PADI1: variants seen among roughly 807,000 people sequenced by gnomAD.
PADI1 encodes protein-arginine deiminase type-1.
Under a neutral mutation model 74.8 loss-of-function variants are expected in PADI1, and 65 were observed. The ratio of observed to expected loss-of-function variants is 0.87; its 90% CI spans 0.71 to 1.07. PADI1 has a LOEUF of 1.07. Ranked by LOEUF, PADI1 falls within the 50% of genes least tolerant of loss-of-function variation. The pLI is 0.00. For missense variants in PADI1, 943 were observed against 854.0 expected (o/e 1.10, Z -1.30); for synonymous variants, 371 against 336.2 (o/e 1.10, Z -1.13).
chr1:17,209,120 A>G (rs1299895843), intron 1 of PADI1, among the ~76,000 whole-genome samples: 1 of 152,248 alleles, frequency 6.6e-6, no homozygotes. Flanking sequence ...AACTTGTGGT[A>G]TGTGTAATGT....
chr1:17,232,955 G>A lies in PADI1; in HGVS notation c.1298G>A (p.Gly433Glu), dbSNP rs989329943. Residue 433 changes from glycine to glutamate, a missense_variant, in exon 11 of 16, where the codon GGG becomes GAG. Coordinates refer to ENST00000375471, the MANE Select transcript of PADI1 (RefSeq NM_013358.3). Reference sequence around the variant, plus strand: ...TACCCCCTGGGCCGGATCCTCATCGGGAGCAGCTTCCCCAAGTGAGGGGCT... The same window carrying A: ...TACCCCCTGGGCCGGATCCTCATCGAGAGCAGCTTCCCCAAGTGAGGGGCT... ...TEYPLGRILI[G>E]SSFPKSGGRQ... The A allele has an allele frequency of 6.2e-6, 10 of 1,607,264 alleles. No individual in the cohort carries two copies. The highest frequency in any genetic ancestry group is 8.5e-6 in the Non-Finnish European group (10 of 1,178,048).
chr1:17,224,928 C>A (rs555089177), intron 4 of PADI1, among the ~76,000 whole-genome samples: 4 of 152,092 alleles, frequency 2.6e-5, no homozygotes, highest in Admixed American at 2.0e-4. Context: ...GTAGAAGGTA[C>A]AATTTAAAGG....
intron 10 of PADI1, among the ~76,000 whole-genome samples, chr1:17,232,237 C>T (rs1000609479): frequency 2.0e-5 from 3 of 152,148 alleles, no homozygotes; most frequent in Admixed American, 6.6e-5. Context: ...TGAGCCACCA[C>T]GCCTGGCCTA....
chr1:17,224,527 C>T (rs1413809946), intron 4 of PADI1, 99 bp downstream of exon 4: 1 of 930,834 alleles, frequency 1.1e-6, no homozygotes, highest in Non-Finnish European at 1.7e-6. Flanking sequence ...ATGATGGATC[C>T]CCAGGGTCTG....
At chr1:17,209,661 A>G (rs528759069) in intron 1 of PADI1, among the ~76,000 whole-genome samples, 1 of 151,606 alleles carries the variant, frequency 6.6e-6, no homozygotes, top group South Asian at 2.1e-4. Flanking sequence ...CTAGTCTTGG[A>G]ATGTCTCCTC....
At chr1:17,217,017 A>AGAGGGGAGG (rs1245758512) in intron 1 of PADI1, among the ~76,000 whole-genome samples, 2 of 98,820 alleles carry the variant, frequency 2.0e-5, no homozygotes, top group Non-Finnish European at 4.1e-5. Flanking sequence ...GGAGGAGAGG[A>AGAGGGGAGG]GAGGGGAGGG....
At position 17,245,981 on chromosome 1, in the gene PADI1, TA is replaced by T. The variant is rs1251431420; in HGVS notation, c.*1743del. 2.6e-5 allele frequency: 4 copies of T among 152,188 alleles called. No individual in the cohort carries two copies. The highest frequency in any genetic ancestry group is 6.5e-5 in the Admixed American group (1 of 15,280). The allele number at this position is 152,188 out of a possible 1,614,324, so 9.4% of individuals were successfully genotyped here. ...GACCAGTCACCTACTTTCTGATCAA[TA>T]AAAATGTCGACATGCATTTCTTACA... On this transcript the variant is annotated 3_prime_UTR_variant, in exon 16 of 16. Coordinates refer to ENST00000375471, the MANE Select transcript of PADI1 (RefSeq NM_013358.3). The surrounding 1 kb of genome is among the most constrained non-coding windows in gnomAD (Gnocchi z 4.1).
chr1:17,208,732 T>C (rs1215604495), intron 1 of PADI1, among the ~76,000 whole-genome samples: 1 of 152,232 alleles, frequency 6.6e-6, no homozygotes, highest in East Asian at 1.9e-4. Flanking sequence ...GCCCTGGCTA[T>C]CCTTGTCCTT....
chr1:17,227,575 A>AATT lies in PADI1; in HGVS notation c.653-1049_653-1048insTTA, dbSNP rs1557468614. Among the ~76,000 whole-genome samples, 215 of 138,140 alleles carry AATT rather than the reference A, an allele frequency of 1.6e-3. 1 individual carries two copies. The highest frequency in any genetic ancestry group is 9.1e-3 in the Middle Eastern group (2 of 220). 90.6% of individuals were successfully genotyped at this position (138,140 alleles called of 152,430 possible). On this transcript the variant is annotated intron_variant, in intron 6 of 15. Coordinates refer to ENST00000375471, the MANE Select transcript of PADI1 (RefSeq NM_013358.3). Reference sequence around the variant, plus strand: ...TAAATAAATAAATAAATAAATAAATAAATAAATTACCACTCCTTAACCCCG... The same window carrying AATT: ...TAAATAAATAAATAAATAAATAAATAATTAATAAATTACCACTCCTTAACCCCG...
intron 1 of PADI1, among the ~76,000 whole-genome samples, chr1:17,210,865 C>T (rs991593179): frequency 6.6e-6 from 1 of 152,184 alleles, no homozygotes; most frequent in East Asian, 1.9e-4. Flanking sequence ...CTGGTGCCCA[C>T]ACCTCCCATC....
rs760105951 is a variant in PADI1 at position 17,244,036 on chromosome 1, C to G, written c.1785C>G (p.Tyr595Ter). 1.2e-6 allele frequency: 2 copies of G among 1,613,988 alleles called. No individual in the cohort carries two copies. Among genetic ancestry groups the G allele is most frequent in the South Asian group, 2.2e-5 (2 of 91,062 alleles). Reference protein sequence around the residue: ...DMVNMVVLGKYLGIPKPYGPI... With the variant: ...DMVNMVVLGK ...TTAACATGGTGGTCTTAGGCAAGTA[C>G]CTGGGCATCCCCAAGCCCTACGGGC... Residue 595 changes from tyrosine to a stop codon, truncating the protein, a stop_gained, in exon 16 of 16, where the codon TAC becomes TAG. Transcript: ENST00000375471. LOFTEE classifies it high-confidence loss of function.
chr1:17,226,492 G>T (rs113559380), intron 6 of PADI1, among the ~76,000 whole-genome samples: 1 of 152,158 alleles, frequency 6.6e-6, no homozygotes, highest in Non-Finnish European at 1.5e-5. Flanking sequence ...GTCAATCAGC[G>T]TGGACTGAAC....
At chr1:17,212,111 TACCCCGGG>T (rs1401251572) in intron 1 of PADI1, among the ~76,000 whole-genome samples, 1 of 152,208 alleles carries the variant, frequency 6.6e-6, no homozygotes, top group Non-Finnish European at 1.5e-5. Context: ...TGGCGGCCAG[TACCCCGGG>T]ACTATCAGCC....
In PADI1 at chr1:17,230,646, G is replaced by A. The variant is rs577518520; in HGVS notation, c.1128G>A (p.Arg376=). 17 of 1,611,324 alleles carry A rather than the reference G, an allele frequency of 1.1e-5. No individual in the cohort carries two copies. The African/African-American group carries it at 1.9e-4, about 18-fold the overall frequency. Residue 376 remains arginine, a synonymous_variant, in exon 10 of 16, where the codon AGG becomes AGA. Transcript: ENST00000375471. ...FPVVFDSPRN[R]GLKDFPYKRI... ...TGGTCTTTGACTCCCCCAGGAACAG[G>A]GGCCTGAAAGATTTCCCCTATAAGA...
Position 17,228,587 on chromosome 1 carries a change from C to T in PADI1, c.653-38C>T, listed in dbSNP as rs749636273. 2.9e-5 allele frequency: 46 copies of T among 1,609,976 alleles called. No homozygotes were observed. The South Asian group carries it at 4.8e-4, about 17-fold the overall frequency. On this transcript the variant is annotated intron_variant, in intron 6 of 15. Coordinates refer to ENST00000375471, the MANE Select transcript of PADI1 (RefSeq NM_013358.3). ...TTCCTGGGCTTGCAGCCCCTCACCC[C>T]TGTCTCCTCGCTAGCCCCTGACTCT...
chr1:17,219,908 A>G (rs2072089232), intron 1 of PADI1, among the ~76,000 whole-genome samples: 1 of 152,080 alleles, frequency 6.6e-6, no homozygotes, highest in Non-Finnish European at 1.5e-5. Context: ...TACAAGATCA[A>G]GGAAACTGTC....
intron 10 of PADI1, among the ~76,000 whole-genome samples, chr1:17,232,042 G>A (rs185164336): frequency 1.1e-3 from 170 of 152,186 alleles, no homozygotes; most frequent in African/African-American, 3.0e-3. Flanking sequence ...GGGTTCAAGC[G>A]ATTCTCCTGC....
intron 10 of PADI1, among the ~76,000 whole-genome samples, chr1:17,231,826 T>C (rs905169041): frequency 1.3e-5 from 2 of 152,128 alleles, no homozygotes; most frequent in African/African-American, 4.8e-5. Context: ...ATGTGCCATG[T>C]TGGTGTGCTG....
chr1:17,222,542 G>T, intron 2 of PADI1, 72 bp downstream of exon 2: 1 of 1,196,684 alleles, frequency 8.4e-7, no homozygotes, highest in Non-Finnish European at 1.2e-6. Context: ...CCCCACATTG[G>T]CAATTCCCAT....
Sources: allele counts gnomAD v4.1 joint callset (sites outside exome capture counted in the v4.1 genomes callset), GRCh38; gene constraint gnomAD v4.1.1; non-coding constraint Gnocchi (gnomAD v3.1); transcripts MANE v1.5; gene names NCBI Gene and HGNC (gene_info 2026-07-23, HGNC 2026-07-21).